The following SH3RF1 variants were observed in gnomAD, a reference collection of about 807,000 sequenced individuals.
SH3RF1 encodes SH3 domain containing ring finger 1.
SH3RF1 carries 32 observed loss-of-function variants against 74.0 expected under a neutral mutation model. The ratio of observed to expected loss-of-function variants is 0.43; its 90% CI spans 0.33 to 0.58. The LOEUF (loss-of-function observed/expected upper bound fraction) is 0.58, where lower values mean the gene tolerates loss of function less well. SH3RF1 is among the 20% of genes least tolerant of loss of function. SH3RF1 has a pLI of 0.05. For synonymous variants in SH3RF1, 396 were observed against 439.6 expected (o/e 0.90, Z 1.24); for missense variants, 954 against 1,130.9 (o/e 0.84, Z 2.24).
intron 2 of SH3RF1, among the ~76,000 whole-genome samples, chr4:169,261,939 G>A (rs535138628): frequency 5.1e-4 from 77 of 151,806 alleles, no homozygotes; most frequent in Non-Finnish European, 1.0e-3. Context: ...TTCTTACACT[G>A]AGTATTTTTT....
intron 6 of SH3RF1, 47 bp from the exon 7 acceptor site, chr4:169,122,313 T>C: frequency 6.6e-7 from 1 of 1,526,678 alleles, no homozygotes; most frequent in Non-Finnish European, 8.9e-7. Flanking sequence ...GGGAACAAAA[T>C]ACTGATTTAC....
intron 2 of SH3RF1, among the ~76,000 whole-genome samples, chr4:169,190,742 T>A (rs1013854351): frequency 6.6e-6 from 1 of 152,068 alleles, no homozygotes; most frequent in African/African-American, 2.4e-5. Flanking sequence ...ATCACCCTAA[T>A]ACCAAAACCA....
At chr4:169,206,262 A>G (rs545410465) in intron 2 of SH3RF1, among the ~76,000 whole-genome samples, 25 of 152,224 alleles carry the variant, frequency 1.6e-4, no homozygotes, top group Non-Finnish European at 3.1e-4. Context: ...CATGCCACAC[A>G]TGATTCAATC....
chr4:169,156,884 C>T (rs1019094286), intron 2 of SH3RF1, among the ~76,000 whole-genome samples: 2 of 152,104 alleles, frequency 1.3e-5, no homozygotes, highest in East Asian at 1.9e-4. Flanking sequence ...AAGAACAGTA[C>T]GACACCCATG....
intron 10 of SH3RF1, among the ~76,000 whole-genome samples, chr4:169,112,615 T>C (rs1281748588): frequency 6.6e-6 from 1 of 152,308 alleles, no homozygotes; most frequent in East Asian, 1.9e-4. Flanking sequence ...AAGGTACTGA[T>C]GTGATCTCCC....
intron 4 of SH3RF1, among the ~76,000 whole-genome samples, chr4:169,151,883 T>C (rs1049873605): frequency 1.3e-5 from 2 of 152,212 alleles, no homozygotes; most frequent in Non-Finnish European, 2.9e-5. Flanking sequence ...TTGGGAAGCA[T>C]CCAAAATTCC....
chr4:169,243,161 C>G (rs953953025), intron 2 of SH3RF1, among the ~76,000 whole-genome samples: 5 of 152,146 alleles, frequency 3.3e-5, no homozygotes, highest in African/African-American at 1.2e-4. Context: ...AAATGTTATT[C>G]TCATTACAAC....
chr4:169,230,621 G>A (rs760896762), intron 2 of SH3RF1, among the ~76,000 whole-genome samples: 19 of 152,118 alleles, frequency 1.2e-4, no homozygotes, highest in Non-Finnish European at 1.9e-4. Context: ...CACTTTGGGA[G>A]GCCAAGATGG....
intron 2 of SH3RF1, among the ~76,000 whole-genome samples, chr4:169,245,798 T>A (rs1730987120): frequency 6.6e-6 from 1 of 152,182 alleles, no homozygotes; most frequent in Admixed American, 6.5e-5. Context: ...TTGTAAGTAA[T>A]TTTTAATGTT....
chr4:169,113,770 T>C (rs1279525847), intron 10 of SH3RF1, among the ~76,000 whole-genome samples: 1 of 152,180 alleles, frequency 6.6e-6, no homozygotes, highest in Admixed American at 6.5e-5. Flanking sequence ...TTAGTGGACT[T>C]GGAACACTAA....
At chr4:169,232,041 G>A (rs903257950) in intron 2 of SH3RF1, among the ~76,000 whole-genome samples, 8 of 152,208 alleles carry the variant, frequency 5.3e-5, no homozygotes, top group Admixed American at 4.6e-4. Flanking sequence ...CAGGTTTCTG[G>A]TTAGGTAGAC....
Position 169,140,518 on chromosome 4 carries a change from C to T in SH3RF1, c.766-3898G>A, listed in dbSNP as rs188718137. ...TCATTACTCTTAAAATTCTTATGCCCCTTTTTGGAAAAAAGTCTAAAATGT... is the reference window on the plus strand; with the variant it reads ...TCATTACTCTTAAAATTCTTATGCCTCTTTTTGGAAAAAAGTCTAAAATGT... On this transcript the variant is annotated intron_variant, in intron 4 of 11. Coordinates refer to ENST00000284637, the MANE Select transcript of SH3RF1 (RefSeq NM_020870.4). 9.0e-3 allele frequency among the ~76,000 whole-genome samples: 1,365 copies of T among 151,976 alleles called. 44 individuals are homozygous for T. Among genetic ancestry groups the T allele is most frequent in the Admixed American group, 0.059 (902 of 15,258 alleles).
rs568626784 is a variant in SH3RF1 at position 169,096,796 on chromosome 4, T to A, written c.2499-109A>T. 1,197 of 1,037,794 alleles carry A rather than the reference T, an allele frequency of 1.2e-3. 2 individuals are homozygous for A. Among genetic ancestry groups the A allele is most frequent in the Non-Finnish European group, 1.5e-3 (1,087 of 715,244 alleles). 64.3% of individuals were successfully genotyped at this position (1,037,794 alleles called of 1,614,324 possible). Reference sequence around the variant, plus strand: ...AACATAAATAGGAAATAACATTAATTCATTTATGATTGTAAAACAACTCAA... The same window carrying A: ...AACATAAATAGGAAATAACATTAATACATTTATGATTGTAAAACAACTCAA... On this transcript the variant is annotated intron_variant, in intron 11 of 11. Coordinates refer to ENST00000284637, the MANE Select transcript of SH3RF1 (RefSeq NM_020870.4).
At chr4:169,238,237 T>G (rs757264507) in intron 2 of SH3RF1, among the ~76,000 whole-genome samples, 1 of 152,176 alleles carries the variant, frequency 6.6e-6, no homozygotes, top group East Asian at 1.9e-4. Flanking sequence ...TGGTCAGAAT[T>G]AGGGTGTACC....
intron 2 of SH3RF1, among the ~76,000 whole-genome samples, chr4:169,192,094 C>T (rs1734723623): frequency 6.6e-6 from 1 of 152,136 alleles, no homozygotes; most frequent in African/African-American, 2.4e-5. Context: ...AAACAGTCAG[C>T]AGAGTAAACA....
chr4:169,202,786 G>T (rs1185590896), intron 2 of SH3RF1, among the ~76,000 whole-genome samples: 2 of 152,154 alleles, frequency 1.3e-5, no homozygotes, highest in Non-Finnish European at 2.9e-5. Context: ...GTTGTCATCA[G>T]ATACTTAAAC....
intron 2 of SH3RF1, among the ~76,000 whole-genome samples, chr4:169,193,121 T>C (rs1447197605): frequency 6.6e-6 from 1 of 151,930 alleles, no homozygotes; most frequent in East Asian, 1.9e-4. Context: ...CAATGGACTT[T>C]GGGGACTCAG....
At chr4:169,186,945 C>T (rs554333205) in intron 2 of SH3RF1, among the ~76,000 whole-genome samples, 115 of 147,180 alleles carry the variant, frequency 7.8e-4, no homozygotes, top group African/African-American at 2.7e-3. Context: ...AGCCAGGAGG[C>T]GGGGCTTGCA....
At chr4:169,255,578 C>T (rs955125607) in intron 2 of SH3RF1, among the ~76,000 whole-genome samples, 25 of 150,364 alleles carry the variant, frequency 1.7e-4, no homozygotes, top group African/African-American at 4.9e-4. Flanking sequence ...AAACACTACA[C>T]ACATGTGCAT....
Sources: allele counts gnomAD v4.1 joint callset (sites outside exome capture counted in the v4.1 genomes callset), GRCh38; gene constraint gnomAD v4.1.1; transcripts MANE v1.5; gene names NCBI Gene and HGNC (gene_info 2026-07-23, HGNC 2026-07-21).